The following SEMA6A variants were observed in gnomAD, a reference collection of about 807,000 sequenced individuals.
The protein encoded by SEMA6A is semaphorin 6A.
A neutral mutation model predicts 96.8 loss-of-function variants in SEMA6A; 25 were observed. The ratio of observed to expected loss-of-function variants is 0.26; its 90% CI spans 0.19 to 0.36. The LOEUF (loss-of-function observed/expected upper bound fraction) is 0.36. SEMA6A is among the 10% of genes least tolerant of loss of function. The pLI is 1.00. For synonymous variants in SEMA6A, 612 were observed against 518.0 expected, an observed-to-expected ratio of 1.18 and a Z score of -2.46; for missense variants, 1,363 against 1,323.1, an observed-to-expected ratio of 1.03 and a Z score of -0.47.
At chr5:116,486,241 A>G (rs1282933900) in intron 10 of SEMA6A, among the ~76,000 whole-genome samples, 1 of 152,194 alleles carries the variant, frequency 6.6e-6, no homozygotes, top group Non-Finnish European at 1.5e-5. Context: ...GCAATTTAAT[A>G]CATTTCCAAT....
intron 1 of SEMA6A, among the ~76,000 whole-genome samples, chr5:116,533,556 C>G (rs1759580309): frequency 6.6e-6 from 1 of 152,160 alleles, no homozygotes; most frequent in Non-Finnish European, 1.5e-5. Flanking sequence ...GCATACTTTT[C>G]TCTGGAGCGA....
At chr5:116,510,710 T>A (rs1048435156) in intron 1 of SEMA6A, among the ~76,000 whole-genome samples, 2 of 152,214 alleles carry the variant, frequency 1.3e-5, no homozygotes, top group African/African-American at 4.8e-5. Flanking sequence ...CCCTCCCTCC[T>A]TCTCTCTCCC....
intron 1 of SEMA6A, among the ~76,000 whole-genome samples, chr5:116,558,047 C>T (rs1213066363): frequency 6.6e-6 from 1 of 152,114 alleles, no homozygotes; most frequent in African/African-American, 2.4e-5. Context: ...TCTAATATGC[C>T]TTTAAAATAA....
Position 116,534,118 on chromosome 5 carries a change from C to T in SEMA6A, c.-38-29136G>A, listed in dbSNP as rs7735777. On this transcript the variant is annotated intron_variant, in intron 1 of 18. Coordinates refer to ENST00000343348, the MANE Select transcript of SEMA6A (RefSeq NM_020796.5). The stretch of plus-strand genomic sequence containing the variant: ...TCCTAACCTCTTATTCATTCTAAAA[C>T]TATCTTTTTCTTCCTTCTGTAACTT... Among the ~76,000 whole-genome samples the T allele has an allele frequency of 3.6e-3, 548 of 152,322 alleles. 8 individuals carry two copies. Among genetic ancestry groups the T allele is most frequent in the African/African-American group, 0.012 (519 of 41,560 alleles).
intron 18 of SEMA6A, 61 bp from the exon 19 acceptor site, chr5:116,447,872 C>T: frequency 2.2e-6 from 3 of 1,363,612 alleles, no homozygotes; most frequent in Non-Finnish European, 3.0e-6. Flanking sequence ...CTTGTTTTTG[C>T]TTGGCATTCA....
intron 12 of SEMA6A, among the ~76,000 whole-genome samples, chr5:116,479,629 G>T (rs1456693500): frequency 6.6e-6 from 1 of 152,114 alleles, no homozygotes; most frequent in African/African-American, 2.4e-5. Flanking sequence ...TCTCTAATTG[G>T]CTGTCCCTTC....
Position 116,447,606 on chromosome 5 carries a change from G to A in SEMA6A, c.2100C>T (p.Ser700=). ...AGAGGCCGCTGAGCTTGGTGACGCT[G>A]CTCATGGAGCCCCGGCGCGAGTGGG... ...ELTHSRRGSM[S]SVTKLSGLFG... is the part of the protein sequence containing the mutation. The change falls in exon 19 of 19, where the codon AGC becomes AGT. Residue 700 remains serine (S), a synonymous_variant. Transcript: ENST00000343348. The A allele has an allele frequency of 6.2e-7, 1 of 1,614,054 alleles. No homozygotes were observed. Among genetic ancestry groups the A allele is most frequent in the South Asian group, 1.1e-5 (1 of 91,088 alleles).
In SEMA6A at chr5:116,502,288, C is replaced by G; in HGVS notation, c.140G>C (p.Gly47Ala). 1 of 1,613,930 alleles carries G rather than the reference C, an allele frequency of 6.2e-7. No homozygotes were observed. Among genetic ancestry groups the G allele is most frequent in the Non-Finnish European group, 8.5e-7 (1 of 1,179,860 alleles). Residue 47 changes from glycine (G) to alanine (A), a missense_variant, in exon 3 of 19, where the codon GGA (glycine) becomes GCA (alanine). Coordinates refer to ENST00000343348, the MANE Select transcript of SEMA6A (RefSeq NM_020796.5). ...QYPVFVGHKP[G>A]RNTTQRHRLD... ...CCTGTGCCTCTGTGTGGTGTTCCGT[C>G]CTGGCTTGTGGCCCACAAACACCGG...
chr5:116,459,636 G>T (rs1407834571), intron 18 of SEMA6A, among the ~76,000 whole-genome samples: 1 of 152,132 alleles, frequency 6.6e-6, no homozygotes, highest in East Asian at 1.9e-4. Flanking sequence ...TTCCTCCTGT[G>T]AAATCTAACT....
chr5:116,461,638 G>T (rs139741235), intron 18 of SEMA6A, among the ~76,000 whole-genome samples: 282 of 152,270 alleles, frequency 1.9e-3, no homozygotes, highest in African/African-American at 6.4e-3. Context: ...CTGAAGGAAA[G>T]GAGCTGAAAA....
intron 1 of SEMA6A, among the ~76,000 whole-genome samples, chr5:116,548,504 G>A (rs1438164880): frequency 6.6e-6 from 1 of 152,148 alleles, no homozygotes; most frequent in African/African-American, 2.4e-5. Context: ...TACTTTCAAG[G>A]CTTTTCTCAA....
chr5:116,472,399 T>C (rs570300445), intron 17 of SEMA6A: 1 of 152,588 alleles, frequency 6.6e-6, no homozygotes, highest in South Asian at 2.1e-4. Context: ...TAAATTTCAG[T>C]GGCCAATTTC....
At position 116,447,732 on chromosome 5, in the gene SEMA6A, A is replaced by G; in HGVS notation, c.1974T>C (p.Ala658=). The change falls in exon 19 of 19, where the codon GCT becomes GCC. Residue 658 remains alanine (A), a synonymous_variant. Coordinates refer to ENST00000343348, the MANE Select transcript of SEMA6A (RefSeq NM_020796.5). Reference sequence around the variant, plus strand: ...CCGAGAAGACGGCCCCCATGACGAAAGCCAGGATGACTGCAATGGCCAAGA... The same window carrying G: ...CCGAGAAGACGGCCCCCATGACGAAGGCCAGGATGACTGCAATGGCCAAGA... ...VTLLAIAVIL[A]FVMGAVFSGI... is the part of the protein sequence containing the mutation. The G allele has an allele frequency of 6.2e-7, 1 of 1,613,952 alleles. No individual in the cohort carries two copies. The highest frequency in any genetic ancestry group is 2.2e-5 in the East Asian group (1 of 44,868).
At chr5:116,532,027 C>T (rs1216049295) in intron 1 of SEMA6A, among the ~76,000 whole-genome samples, 5 of 152,182 alleles carry the variant, frequency 3.3e-5, no homozygotes, top group Non-Finnish European at 7.4e-5. Context: ...AGAACCCCTT[C>T]CCCTCCCTTG....
intron 1 of SEMA6A, among the ~76,000 whole-genome samples, chr5:116,515,471 T>C (rs1352314593): frequency 2.0e-5 from 3 of 152,106 alleles, no homozygotes; most frequent in Non-Finnish European, 4.4e-5. Flanking sequence ...TTATTAAAAA[T>C]GAAGCAAACT....
intron 1 of SEMA6A, among the ~76,000 whole-genome samples, chr5:116,522,209 T>C (rs1271108928): frequency 2.0e-5 from 3 of 152,162 alleles, no homozygotes; most frequent in Non-Finnish European, 4.4e-5. Flanking sequence ...TTTTATGTTG[T>C]ACATTTTTAT....
At chr5:116,509,629 C>T (rs929093405) in intron 1 of SEMA6A, among the ~76,000 whole-genome samples, 4 of 129,684 alleles carry the variant, frequency 3.1e-5, no homozygotes, top group South Asian at 2.5e-4. Flanking sequence ...AGAGAGCATG[C>T]GATTAGGAAG....
At chr5:116,500,214 A>C (rs1019520944) in intron 3 of SEMA6A, among the ~76,000 whole-genome samples, 6 of 152,204 alleles carry the variant, frequency 3.9e-5, no homozygotes, top group Admixed American at 2.6e-4. Flanking sequence ...AGCTATTACA[A>C]GGGTATTCTC....
At chr5:116,524,868 G>A (rs1759149473) in intron 1 of SEMA6A, among the ~76,000 whole-genome samples, 1 of 149,866 alleles carries the variant, frequency 6.7e-6, no homozygotes, top group South Asian at 2.1e-4. Flanking sequence ...TATAGCTATT[G>A]GGTCAATGAC....
Sources: allele counts gnomAD v4.1 joint callset (sites outside exome capture counted in the v4.1 genomes callset), GRCh38; gene constraint gnomAD v4.1.1; transcripts MANE v1.5; gene names NCBI Gene and HGNC (gene_info 2026-07-23, HGNC 2026-07-21).